The following MARCHF1 variants were observed in gnomAD, a reference collection of about 807,000 sequenced individuals.
MARCHF1 encodes E3 ubiquitin-protein ligase MARCHF1.
MARCHF1 carries 40 observed loss-of-function variants against 54.2 expected under a neutral mutation model. The ratio of observed to expected loss-of-function variants is 0.74; its 90% confidence interval spans 0.57 to 0.96. The LOEUF (loss-of-function observed/expected upper bound fraction) is 0.96. MARCHF1 is among the 40% of genes least tolerant of loss of function. The pLI is 0.00. For missense variants in MARCHF1, 586 were observed against 656.5 expected (o/e 0.89, Z 1.17); for synonymous variants, 236 against 236.3 (o/e 1.00, Z 0.01).
chr4:163,802,883 G>A (rs887111409), intron 4 of MARCHF1, among the ~76,000 whole-genome samples: 8 of 152,128 alleles, frequency 5.3e-5, no homozygotes, highest in African/African-American at 1.9e-4. Context: ...TTATTATCCT[G>A]ACTATTCTAA....
intron 3 of MARCHF1, among the ~76,000 whole-genome samples, chr4:163,962,425 A>G (rs1258990535): frequency 6.6e-6 from 1 of 151,928 alleles, no homozygotes; most frequent in African/African-American, 2.4e-5. Flanking sequence ...TAGCTAGATA[A>G]GAAAAATGAA....
At chr4:164,153,014 A>G (rs1248125993) in intron 1 of MARCHF1, among the ~76,000 whole-genome samples, 1 of 152,182 alleles carries the variant, frequency 6.6e-6, no homozygotes, top group African/African-American at 2.4e-5. Context: ...CTTTGGGCAC[A>G]TGTTCTCAGA....
intron 4 of MARCHF1, among the ~76,000 whole-genome samples, chr4:163,703,318 T>C (rs1744861659): frequency 6.6e-6 from 1 of 152,090 alleles, no homozygotes; most frequent in Non-Finnish European, 1.5e-5. Flanking sequence ...AAAAATTAAA[T>C]CATTCTCTGC....
At chr4:164,173,043 T>TATTA (rs1456926976) in intron 1 of MARCHF1, among the ~76,000 whole-genome samples, 2 of 150,264 alleles carry the variant, frequency 1.3e-5, no homozygotes, top group Non-Finnish European at 3.0e-5. Context: ...TGAAATCTAA[T>TATTA]GGAGTAAAAA....
intron 1 of MARCHF1, among the ~76,000 whole-genome samples, chr4:164,237,321 A>G (rs987396207): frequency 1.3e-5 from 2 of 152,140 alleles, no homozygotes; most frequent in Non-Finnish European, 2.9e-5. Context: ...TCAGTTAAAC[A>G]TGAAGCACTT....
At chr4:163,706,823 T>C (rs568068016) in intron 4 of MARCHF1, among the ~76,000 whole-genome samples, 1 of 151,648 alleles carries the variant, frequency 6.6e-6, no homozygotes, top group Non-Finnish European at 1.5e-5. Flanking sequence ...ACCAAGAAAA[T>C]AATGAAAAAA....
chr4:164,269,778 GA>G (rs983143758), intron 1 of MARCHF1, among the ~76,000 whole-genome samples: 1 of 152,110 alleles, frequency 6.6e-6, no homozygotes, highest in Middle Eastern at 3.2e-3. Flanking sequence ...TGTGACTGGG[GA>G]GGGGGGTTTA....
chr4:163,655,850 G>A (rs1302024992), intron 5 of MARCHF1, among the ~76,000 whole-genome samples: 1 of 151,976 alleles, frequency 6.6e-6, no homozygotes, highest in Non-Finnish European at 1.5e-5. Flanking sequence ...GAAGTTCTTT[G>A]AAACTAATGA....
intron 4 of MARCHF1, among the ~76,000 whole-genome samples, chr4:163,821,070 A>G (rs1391071531): frequency 6.6e-6 from 1 of 152,022 alleles, no homozygotes; most frequent in South Asian, 2.1e-4. Context: ...CACTTGATCA[A>G]CTTGTTCTGT....
chr4:164,197,361 GA>G, intron 1 of MARCHF1: 1 of 1,612,914 alleles, frequency 6.2e-7, no homozygotes, highest in Non-Finnish European at 8.5e-7. Context: ...CCTCGCAATT[GA>G]AAAGGTCTAA....
At chr4:163,569,843 C>T (rs755529801) in intron 8 of MARCHF1, among the ~76,000 whole-genome samples, 40 of 152,182 alleles carry the variant, frequency 2.6e-4, no homozygotes, top group Admixed American at 1.1e-3. Flanking sequence ...ATTAATTGTA[C>T]AATTATTTAT....
chr4:164,138,358 T>A (rs537935740), intron 1 of MARCHF1, among the ~76,000 whole-genome samples: 13 of 151,956 alleles, frequency 8.6e-5, no homozygotes, highest in Non-Finnish European at 1.8e-4. Context: ...AAACTAAATC[T>A]TATAGGGGAG....
intron 3 of MARCHF1, among the ~76,000 whole-genome samples, chr4:163,879,635 G>A (rs982614722): frequency 3.3e-5 from 5 of 152,244 alleles, no homozygotes; most frequent in African/African-American, 9.6e-5. Flanking sequence ...TCTGAAAAGT[G>A]TTATATCAAA....
At chr4:164,340,916 CAAA>C (rs35543676) in intron 1 of MARCHF1, among the ~76,000 whole-genome samples, 1 of 96,352 alleles carries the variant, frequency 1.0e-5, no homozygotes. Flanking sequence ...GAGGGCACTA[CAAA>C]AAAAAAAAAA....
intron 4 of MARCHF1, among the ~76,000 whole-genome samples, chr4:163,722,801 T>C (rs1357083174): frequency 6.6e-6 from 1 of 152,210 alleles, no homozygotes. Flanking sequence ...TCTCTTTTGA[T>C]CTTTGTTGGT....
At chr4:163,771,946 A>G (rs1747173586) in intron 4 of MARCHF1, among the ~76,000 whole-genome samples, 1 of 152,184 alleles carries the variant, frequency 6.6e-6, no homozygotes, top group Admixed American at 6.5e-5. Flanking sequence ...GGAGTTGCCC[A>G]TTTCAATAGG....
Position 163,625,819 on chromosome 4 carries a change from C to A in MARCHF1, c.163-12426G>T, listed in dbSNP as rs369478303. ...TTTTATTATGTGGAGAAGAGTATGT[C>A]CTTTAACAATTTTGAAGCTGGAAGG... On this transcript the variant is annotated intron_variant, in intron 5 of 9. Transcript: ENST00000514618. Among the ~76,000 whole-genome samples, 77 of 152,134 alleles carry A rather than the reference C, an allele frequency of 5.1e-4. 3 individuals carry two copies. The South Asian group carries it at 0.014, about 28-fold the overall frequency.
At chr4:164,190,037 CA>C in intron 1 of MARCHF1, 2 of 1,360,390 alleles carry the variant, frequency 1.5e-6, no homozygotes, top group Non-Finnish European at 2.1e-6. Flanking sequence ...ACACAAAGCT[CA>C]AGGAGTGCAT....
intron 1 of MARCHF1, among the ~76,000 whole-genome samples, chr4:164,298,109 G>A (rs1734458431): frequency 6.6e-6 from 1 of 151,974 alleles, no homozygotes; most frequent in African/African-American, 2.4e-5. Flanking sequence ...AAGACCCTGA[G>A]CTTCATTGCA....
Sources: allele counts gnomAD v4.1 joint callset (sites outside exome capture counted in the v4.1 genomes callset), GRCh38; gene constraint gnomAD v4.1.1; transcripts MANE v1.5; gene names NCBI Gene and HGNC (gene_info 2026-07-23, HGNC 2026-07-21).